The following SVEP1 variants were observed in gnomAD, a reference collection of about 807,000 sequenced individuals.
SVEP1 encodes the protein sushi, von Willebrand factor type A, EGF and pentraxin domain-containing protein 1.
A neutral mutation model predicts 367.3 loss-of-function variants in SVEP1; 164 were observed. The observed-to-expected ratio is 0.45, with a 90% confidence interval of 0.39 to 0.51. SVEP1 has a LOEUF of 0.51. SVEP1 is among the 20% of genes least tolerant of loss of function. The probability of loss-of-function intolerance (pLI) is 0.00; values close to 1 mark genes in which losing one functional copy is unlikely to be tolerated. For synonymous variants in SVEP1, 1,666 were observed against 1,611.6 expected (o/e 1.03, Z -0.81); for missense variants, 4,117 against 4,425.3 (o/e 0.93, Z 1.98).
chr9:110,454,257 TG>T (rs1175006966), intron 22 of SVEP1, among the ~76,000 whole-genome samples: 3 of 152,196 alleles, frequency 2.0e-5, no homozygotes, highest in African/African-American at 7.2e-5. Context: ...CAATTGCTTT[TG>T]GGGACTCAGC....
At chr9:110,372,788 G>A (rs992150662) in intron 46 of SVEP1, among the ~76,000 whole-genome samples, 3 of 152,212 alleles carry the variant, frequency 2.0e-5, no homozygotes, top group African/African-American at 7.2e-5. Context: ...GGCACAGTGT[G>A]TGATGGTAGG....
chr9:110,396,808 C>G (rs1827770022), intron 40 of SVEP1, among the ~76,000 whole-genome samples: 1 of 152,148 alleles, frequency 6.6e-6, no homozygotes, highest in Non-Finnish European at 1.5e-5. Flanking sequence ...AGTTGAATCT[C>G]TGAATAGACC....
chr9:110,397,042 A>C (rs1445130995), intron 40 of SVEP1, among the ~76,000 whole-genome samples: 1 of 152,190 alleles, frequency 6.6e-6, no homozygotes, highest in Admixed American at 6.5e-5. Context: ...CACAACCAAA[A>C]AAGAGAATTT....
intron 44 of SVEP1, among the ~76,000 whole-genome samples, chr9:110,378,540 C>T (rs552688211): frequency 2.0e-5 from 3 of 152,230 alleles, no homozygotes; most frequent in African/African-American, 4.8e-5. Context: ...TTCCCCCATG[C>T]TGTAGGTTGC....
intron 3 of SVEP1, among the ~76,000 whole-genome samples, chr9:110,528,152 GTGTGTA>G (rs1464051917): frequency 1.2e-3 from 26 of 22,076 alleles, no homozygotes; most frequent in South Asian, 7.5e-3. Context: ...GTGTGTGTGT[GTGTGTA>G]TATATATATA....
At chr9:110,403,693 A>C (rs2118480999) in intron 39 of SVEP1, among the ~76,000 whole-genome samples, 1 of 152,198 alleles carries the variant, frequency 6.6e-6, no homozygotes, top group African/African-American at 2.4e-5. Flanking sequence ...TTAATCATAA[A>C]TCTTATGTGC....
At chr9:110,434,551 GGT>G (rs1491269839) in intron 29 of SVEP1, 45 bp from the exon 30 acceptor site, 16 of 1,569,972 alleles carry the variant, frequency 1.0e-5, no homozygotes, top group Non-Finnish European at 8.7e-7. Context: ...GCGGCATAGT[GGT>G]AGCATCACCA....
At chr9:110,393,489 G>A (rs1056071749) in intron 40 of SVEP1, among the ~76,000 whole-genome samples, 83 of 152,292 alleles carry the variant, frequency 5.5e-4, no homozygotes, top group South Asian at 4.1e-4. Context: ...CTGAGGTACC[G>A]GGTTCATCTC....
intron 45 of SVEP1, among the ~76,000 whole-genome samples, chr9:110,376,079 TGTGA>T (rs992530342): frequency 1.8e-4 from 27 of 152,214 alleles, no homozygotes; most frequent in African/African-American, 6.5e-4. Context: ...GTTTAAAAGA[TGTGA>T]GTTTGTTGCT....
At chr9:110,410,758 T>C (rs908439088) in intron 37 of SVEP1, among the ~76,000 whole-genome samples, 2 of 152,224 alleles carry the variant, frequency 1.3e-5, no homozygotes, top group African/African-American at 4.8e-5. Flanking sequence ...CGCTTCTGAA[T>C]AGTGGGTTCA....
At chr9:110,573,293 T>C (rs1490585340) in intron 1 of SVEP1, among the ~76,000 whole-genome samples, 2 of 152,136 alleles carry the variant, frequency 1.3e-5, no homozygotes, top group Non-Finnish European at 2.9e-5. Context: ...CAAATCCTAG[T>C]GGCATCTCAC....
At chr9:110,560,659 A>G (rs187180342) in intron 1 of SVEP1, among the ~76,000 whole-genome samples, 72 of 152,240 alleles carry the variant, frequency 4.7e-4, no homozygotes, top group African/African-American at 1.6e-3. Flanking sequence ...CCCTCTCCAC[A>G]CACAAATAGG....
At chr9:110,378,909 TAAAAAA>T (rs35912753) in intron 44 of SVEP1, among the ~76,000 whole-genome samples, 4 of 145,478 alleles carry the variant, frequency 2.7e-5, no homozygotes, top group African/African-American at 7.6e-5. Context: ...CTTAAAGTAT[TAAAAAA>T]AAAAAAAGTC....
At chr9:110,512,546 T>C (rs1019199118) in intron 5 of SVEP1, among the ~76,000 whole-genome samples, 3 of 152,170 alleles carry the variant, frequency 2.0e-5, no homozygotes, top group African/African-American at 7.2e-5. Flanking sequence ...CTAACTGCTC[T>C]TGTTGCAGGA....
In SVEP1 at chr9:110,513,071, A is replaced by AT; in HGVS notation, c.1157dup (p.Asn386LysfsTer26). ...TGCAAGTGTTTTGGATAAAGTAACC[A>AT]TTTTCGGGAGGCTTCAGGGCAGGGC... On this transcript the variant is annotated frameshift_variant, in exon 5 of 48. Transcript: ENST00000374469. LOFTEE classifies it high-confidence loss of function. 6.2e-7 allele frequency: 1 copy of AT among 1,613,850 alleles called. No homozygotes were observed. Among genetic ancestry groups the AT allele is most frequent in the Non-Finnish European group, 8.5e-7 (1 of 1,179,832 alleles).
intron 23 of SVEP1, 29 bp from the exon 24 acceptor site, chr9:110,450,289 C>T (rs367824281): frequency 6.2e-7 from 1 of 1,608,068 alleles, no homozygotes; most frequent in Non-Finnish European, 8.5e-7. Flanking sequence ...GAGAAACAGC[C>T]CAAATGATTA....
intron 24 of SVEP1, among the ~76,000 whole-genome samples, chr9:110,448,404 T>C (rs1035066384): frequency 6.6e-6 from 1 of 152,256 alleles, no homozygotes; most frequent in African/African-American, 2.4e-5. Context: ...TAGCATGTCA[T>C]ACGAAGACCT....
intron 22 of SVEP1, among the ~76,000 whole-genome samples, chr9:110,452,576 G>C (rs1828709287): frequency 6.6e-6 from 1 of 152,202 alleles, no homozygotes; most frequent in Non-Finnish European, 1.5e-5. Context: ...CACACCCTTG[G>C]TTAGGGGTGA....
intron 40 of SVEP1, among the ~76,000 whole-genome samples, chr9:110,394,651 C>A (rs1006692054): frequency 6.6e-6 from 1 of 152,068 alleles, no homozygotes; most frequent in Non-Finnish European, 1.5e-5. Context: ...GCAGAGAAGT[C>A]CTTAAAGGAC....
Sources: gnomAD v4.1 joint callset for allele counts (sites outside exome capture counted in the v4.1 genomes callset) on GRCh38, gnomAD v4.1.1 for gene constraint, MANE v1.5 for transcripts, NCBI Gene and HGNC (gene_info 2026-07-23, HGNC 2026-07-21) for gene names.